UBA7: variants seen among roughly 807,000 people sequenced by gnomAD.
The protein encoded by UBA7 is ubiquitin like modifier activating enzyme 7.
Under a neutral mutation model 113.0 loss-of-function variants are expected in UBA7, and 88 were observed. That is an observed-to-expected ratio of 0.78 (90% CI 0.66 to 0.93). The LOEUF is 0.93. UBA7 is among the 40% of genes least tolerant of loss of function. UBA7 has a pLI of 0.00. For missense variants in UBA7, 1,092 were observed against 1,266.4 expected, an observed-to-expected ratio of 0.86 and a Z score of 2.09; for synonymous variants, 459 against 513.0, an observed-to-expected ratio of 0.89 and a Z score of 1.42.
Position 49,810,378 on chromosome 3 carries a change from G to A in UBA7, c.1518C>T (p.Asp506=), listed in dbSNP as rs562192715. 1.9e-6 allele frequency: 3 copies of A among 1,614,188 alleles called. No individual in the cohort carries two copies. The highest frequency in any genetic ancestry group is 1.3e-5 in the African/African-American group (1 of 75,038). ...GGTAGGTGAGCGGGATCACCTGTAA[G>A]TCTGGGTTCAGGCCCCGGGCAGCTG... The part of the protein sequence containing the change: ...AAAAARGLNP[D]LQVIPLTYPL... The change falls in exon 13 of 24, where the codon GAC becomes GAT. Residue 506 remains aspartate, a synonymous_variant. Coordinates refer to ENST00000333486, the MANE Select transcript of UBA7 (RefSeq NM_003335.3). This position sits in a 1 kb window ranked among gnomAD's most constrained non-coding sequence, Gnocchi z 5.6.
Position 49,809,149 on chromosome 3 carries a change from A to G in UBA7, c.2174T>C (p.Leu725Pro). ...LEFDTNQDTH[L>P]LYVLAAANLY... Reference sequence around the variant, plus strand: ...GTTGGCAGCTGCCAGTACGTAGAGGAGGTGTGTGTCCTGCAGCCAGACCAA... The same window carrying G: ...GTTGGCAGCTGCCAGTACGTAGAGGGGGTGTGTGTCCTGCAGCCAGACCAA... The change falls in exon 18 of 24, where the codon CTC (leucine) becomes CCC (proline). Residue 725 changes from leucine (L) to proline (P), a missense_variant. Leu to Pro is a moderately conservative substitution (Grantham distance 98). Around this residue, in one of 3 missense-constraint regions of UBA7, gnomAD observed 500 missense variants for 529.3 expected, o/e 0.94. Coordinates refer to ENST00000333486, the MANE Select transcript of UBA7 (RefSeq NM_003335.3). The G allele has an allele frequency of 1.2e-6, 2 of 1,611,228 alleles. No individual in the cohort carries two copies. The highest frequency in any genetic ancestry group is 1.7e-6 in the Non-Finnish European group (2 of 1,178,702).
In UBA7 at chr3:49,813,806, A is replaced by G; in HGVS notation, c.-19T>C. 2.5e-6 allele frequency: 4 copies of G among 1,614,064 alleles called. No homozygotes were observed. Among genetic ancestry groups the G allele is most frequent in the Non-Finnish European group, 3.4e-6 (4 of 1,179,968 alleles). ...CATCCATCCTCAAACCTGGGGCTGA[A>G]CAGTAGGCTGCAGCGCTCAGAGATA... On this transcript the variant is annotated 5_prime_UTR_variant, in exon 1 of 24. Transcript: ENST00000333486.
chr3:49,811,519 T>C, intron 8 of UBA7, 64 bp from the exon 9 acceptor site: 3 of 1,539,848 alleles, frequency 1.9e-6, no homozygotes, highest in Non-Finnish European at 2.6e-6. Flanking sequence ...CTCAAATCCT[T>C]CCAGCCACCC....
rs754870288 is a variant in UBA7, at chr3:49,810,262, C to T, written c.1633+1G>A. ...ACTGACCTCCGAAGTCAAGCACTCA[C>T]GGGCCTGGAAACTGTCCAGGGCAGC... is the stretch of plus-strand genomic sequence containing the variant. On this transcript the variant is annotated splice_donor_variant, in intron 13 of 23. Transcript: ENST00000333486. LOFTEE classifies it high-confidence loss of function. This position sits in a 1 kb window ranked among gnomAD's most constrained non-coding sequence, Gnocchi z 5.6. 28 of 1,613,590 alleles carry T rather than the reference C, an allele frequency of 1.7e-5. No individual in the cohort carries two copies. Among genetic ancestry groups the T allele is most frequent in the South Asian group, 9.9e-5 (9 of 91,054 alleles).
In UBA7 at chr3:49,807,911, C is replaced by T. The variant is rs1039128199; in HGVS notation, c.2540G>A (p.Gly847Asp). 2 of 1,612,052 alleles carry T rather than the reference C, an allele frequency of 1.2e-6. No individual in the cohort carries two copies. Among genetic ancestry groups the T allele is most frequent in the Admixed American group, 3.3e-5 (2 of 59,902 alleles). The change falls in exon 21 of 24, where the codon GGC (glycine) becomes GAC (aspartate). Residue 847 changes from glycine (G) to aspartate (D), a missense_variant. Transcript: ENST00000333486. This position sits in a 1 kb window ranked among gnomAD's most constrained non-coding sequence, Gnocchi z 4.0. The part of the protein sequence containing the change: ...VNRAQSKRIV[G>D]QIIPAIATTT... ...GGTGGCAATGGCTGGGATAATCTGGCCCACAATTCGCTTGCTCTGCCAAGG... is the reference window on the plus strand; with the variant it reads ...GGTGGCAATGGCTGGGATAATCTGGTCCACAATTCGCTTGCTCTGCCAAGG...
chr3:49,813,920 C>T lies in UBA7; in HGVS notation c.-133G>A, dbSNP rs1268055801. 15 of 970,432 alleles carry T rather than the reference C, an allele frequency of 1.5e-5. No homozygotes were observed. Among genetic ancestry groups the T allele is most frequent in the Admixed American group, 7.3e-5 (3 of 40,872 alleles). 60.1% of individuals were successfully genotyped at this position (970,432 alleles called of 1,614,324 possible). On this transcript the variant is annotated 5_prime_UTR_variant, in exon 1 of 24. Transcript: ENST00000333486. ...GAACCAAGGCCAAGCGAATAAGGGA[C>T]GCTGCTGGTCACAGCTCTCTTCCTG...
Position 49,812,177 on chromosome 3 carries a change from T to C in UBA7, c.724A>G (p.Thr242Ala). Residue 242 changes from threonine to alanine, a missense_variant, in exon 7 of 24, where the codon ACA becomes GCA. Physicochemically the swap from Thr to Ala is moderately conservative, Grantham distance 58 (BLOSUM62 0). Coordinates refer to ENST00000333486, the MANE Select transcript of UBA7 (RefSeq NM_003335.3). ...EDGSLEIGDT[T>A]TFSRYLRGGA... ...CCACGCAAGTACCGAGAGAAAGTTGTTGTGTCTCCAATCTCCAGGGACCCA... is the reference window on the plus strand; with the variant it reads ...CCACGCAAGTACCGAGAGAAAGTTGCTGTGTCTCCAATCTCCAGGGACCCA... 2 of 1,614,186 alleles carry C rather than the reference T, an allele frequency of 1.2e-6. No individual in the cohort carries two copies. The highest frequency in any genetic ancestry group is 1.6e-4 in the Middle Eastern group (1 of 6,062).
chr3:49,809,425 G>GT lies in UBA7; in HGVS notation c.2127dup (p.Gln710ThrfsTer9), dbSNP rs755968391. 6.2e-7 allele frequency: 1 copy of GT among 1,612,250 alleles called. No individual in the cohort carries two copies. Among genetic ancestry groups the GT allele is most frequent in the East Asian group, 2.2e-5 (1 of 44,894 alleles). Reference sequence around the variant, plus strand: ...TCAAACTCCAAGGGCTGGGGACACTGTTTGGGACCTGACCAGAAGGGAGTT... The same window carrying GT: ...TCAAACTCCAAGGGCTGGGGACACTGTTTTGGGACCTGACCAGAAGGGAGTT... On this transcript the variant is annotated frameshift_variant, in exon 17 of 24. Coordinates refer to ENST00000333486, the MANE Select transcript of UBA7 (RefSeq NM_003335.3). LOFTEE classifies it high-confidence loss of function.
intron 15 of UBA7, 23 bp from the exon 16 acceptor site, chr3:49,809,748 G>A (rs2081512390): frequency 6.2e-7 from 1 of 1,614,024 alleles, no homozygotes; most frequent in African/African-American, 1.3e-5. Flanking sequence ...GAGGAAGTGT[G>A]AGACTGAGTC....
At position 49,805,272 on chromosome 3, in the gene UBA7, G is replaced by T; in HGVS notation, c.*36C>A. 1 of 1,597,288 alleles carries T rather than the reference G, an allele frequency of 6.3e-7. No individual in the cohort carries two copies. Among genetic ancestry groups the T allele is most frequent in the Non-Finnish European group, 8.6e-7 (1 of 1,166,390 alleles). On this transcript the variant is annotated 3_prime_UTR_variant, in exon 24 of 24. Transcript: ENST00000333486. ...TTACAATGCAGGGCTTGGGATCCGG[G>T]GCTCCATTGAGCTAGGTGACAGGGT...
In UBA7 at chr3:49,809,008, T is replaced by C. The variant is rs758862943; in HGVS notation, c.2315A>G (p.Asn772Ser). ...AGCAGAAGCCGAAGCCAGCTCTAGA[T>C]TACTAGCAAAGATGGGGGCCATCTG... ...PQQMAPIFAS[N>S]LELASASAEF... The change falls in exon 18 of 24, where the codon AAT (asparagine) becomes AGT (serine). Residue 772 changes from asparagine (N) to serine (S), a missense_variant. Coordinates refer to ENST00000333486, the MANE Select transcript of UBA7 (RefSeq NM_003335.3). The C allele has an allele frequency of 1.7e-5, 27 of 1,613,664 alleles. No individual in the cohort carries two copies. The highest frequency in any genetic ancestry group is 2.3e-5 in the Non-Finnish European group (27 of 1,180,002).
Position 49,807,742 on chromosome 3 carries a change from G to C in UBA7, c.2709C>G (p.Ile903Met). ...LIRYMPFAPA[I>M]QTFHHLKWTS... Reference sequence around the variant, plus strand: ...TGGGGTATCATGGGCTCACCGTCTGGATGGCTGGGGCAAAAGGCATATAGC... The same window carrying C: ...TGGGGTATCATGGGCTCACCGTCTGCATGGCTGGGGCAAAAGGCATATAGC... Residue 903 changes from isoleucine (I) to methionine (M), a missense_variant, in exon 21 of 24, where the codon ATC becomes ATG. Ile to Met is a conservative substitution (Grantham distance 10). Coordinates refer to ENST00000333486, the MANE Select transcript of UBA7 (RefSeq NM_003335.3). This position sits in a 1 kb window ranked among gnomAD's most constrained non-coding sequence, Gnocchi z 4.0. 1 of 1,606,966 alleles carries C rather than the reference G, an allele frequency of 6.2e-7. No homozygotes were observed. The highest frequency in any genetic ancestry group is 8.5e-7 in the Non-Finnish European group (1 of 1,176,188).
Position 49,810,541 on chromosome 3 carries a change from G to A in UBA7, c.1443C>T (p.Phe481=), listed in dbSNP as rs535196834. The change falls in exon 12 of 24, where the codon TTC becomes TTT. Residue 481 remains phenylalanine (F), a synonymous_variant. Transcript: ENST00000333486. The surrounding 1 kb of genome is among the most constrained non-coding windows in gnomAD (Gnocchi z 5.6). ...CACCAACGTCCTGGGACCTGAAGAG[G>A]AACTGACGGCTGAGATTGGAGCGCT... The part of the protein sequence containing the change: ...HIERSNLSRQ[F]LFRSQDVGRP... The A allele has an allele frequency of 5.0e-6, 8 of 1,614,122 alleles. No individual in the cohort carries two copies. In the South Asian group the frequency reaches 7.7e-5, roughly 16 times the overall value.
In UBA7 at chr3:49,810,652, A is replaced by G; in HGVS notation, c.1332T>C (p.Gly444=). ...HYLLVGAGAI[G]CELLKVFALV... is the part of the protein sequence containing the mutation. ...GGGCAAAGACTTTGAGCAGCTCACA[A>G]CCAATGGCACCAGCGCCCACCTGTT... The change falls in exon 12 of 24, where the codon GGT becomes GGC. Residue 444 remains glycine (G), a synonymous_variant. Coordinates refer to ENST00000333486, the MANE Select transcript of UBA7 (RefSeq NM_003335.3). This position sits in a 1 kb window ranked among gnomAD's most constrained non-coding sequence, Gnocchi z 5.6. 2 of 1,614,084 alleles carry G rather than the reference A, an allele frequency of 1.2e-6. No individual in the cohort carries two copies. The highest frequency in any genetic ancestry group is 1.6e-4 in the Middle Eastern group (1 of 6,062).
chr3:49,807,213 T>G lies in UBA7; in HGVS notation c.2715+523A>C, dbSNP rs1298298893. 6.6e-6 allele frequency among the ~76,000 whole-genome samples: 1 copy of G among 152,156 alleles called. No individual in the cohort carries two copies. Among genetic ancestry groups the G allele is most frequent in the Admixed American group, 6.5e-5 (1 of 15,286 alleles). On this transcript the variant is annotated intron_variant, in intron 21 of 23. Transcript: ENST00000333486. The surrounding 1 kb of genome is among the most constrained non-coding windows in gnomAD (Gnocchi z 4.0). ...CATCTGATGCACAGATGTGCAAACT[T>G]GCTCCTTCCATACCCACACTCCGGG... is the stretch of plus-strand genomic sequence containing the variant.
rs1379414530 is a variant in UBA7, at chr3:49,805,329, T to C, written c.3018A>G (p.Pro1006=). 6 of 1,613,310 alleles carry C rather than the reference T, an allele frequency of 3.7e-6. No homozygotes were observed. Among genetic ancestry groups the C allele is most frequent in the Non-Finnish European group, 5.1e-6 (6 of 1,179,842 alleles). ...CTTGTCACAGCTCATAGTGCAGAGG[T>C]GGGAAGGCAGTGTCCTCGTCGTCAC... The part of the protein sequence containing the change: ...CEGDDEDTAF[P]PLHYEL Residue 1006 remains proline (P), a synonymous_variant, in exon 24 of 24, where the codon CCA becomes CCG. Coordinates refer to ENST00000333486, the MANE Select transcript of UBA7 (RefSeq NM_003335.3).
In UBA7 at chr3:49,810,363, C is replaced by T. The variant is rs748377645; in HGVS notation, c.1533G>A (p.Pro511=). The T allele has an allele frequency of 9.3e-6, 15 of 1,613,984 alleles. No individual in the cohort carries two copies. Among genetic ancestry groups the T allele is most frequent in the African/African-American group, 1.3e-5 (1 of 74,892 alleles). Residue 511 remains proline, a synonymous_variant, in exon 13 of 24, where the codon CCG becomes CCA. Transcript: ENST00000333486. This position sits in a 1 kb window ranked among gnomAD's most constrained non-coding sequence, Gnocchi z 5.6. ...TGGTGGGATCCAGTGGGTAGGTGAG[C>T]GGGATCACCTGTAAGTCTGGGTTCA... The part of the protein sequence containing the change: ...RGLNPDLQVI[P]LTYPLDPTTE...
At chr3:49,811,213 T>A in intron 9 of UBA7, 60 bp downstream of exon 9, 1 of 1,607,872 alleles carries the variant, frequency 6.2e-7, no homozygotes, top group Non-Finnish European at 8.5e-7. Flanking sequence ...GGGTGCCCTC[T>A]GACACACACA....
At position 49,809,163 on chromosome 3, in the gene UBA7, C is replaced by T. The variant is rs1303859274; in HGVS notation, c.2164-4G>A. The T allele has an allele frequency of 1.9e-6, 3 of 1,606,436 alleles. No homozygotes were observed. The highest frequency in any genetic ancestry group is 4.5e-5 in the East Asian group (2 of 44,714). ...GTACGTAGAGGAGGTGTGTGTCCTG[C>T]AGCCAGACCAAGAGCAGGAACAGAG... On this transcript the variant is annotated splice_region_variant and splice_polypyrimidine_tract_variant and intron_variant, in intron 17 of 23. Coordinates refer to ENST00000333486, the MANE Select transcript of UBA7 (RefSeq NM_003335.3).
Sources: gnomAD v4.1 joint callset for allele counts (sites outside exome capture counted in the v4.1 genomes callset) on GRCh38, gnomAD v4.1.1 for gene constraint, gnomAD v4.1.1 regional missense constraint, Gnocchi (gnomAD v3.1) non-coding constraint, MANE v1.5 for transcripts, NCBI Gene and HGNC (gene_info 2026-07-23, HGNC 2026-07-21) for gene names.